Variants in ITGB8 observed in about 807,000 individuals in gnomAD.
ITGB8 encodes integrin subunit beta 8, also known as integrin beta-8.
In ITGB8, 30 loss-of-function variants were observed where a neutral mutation model predicts 89.5. That is an observed-to-expected ratio of 0.34 (90% CI 0.25 to 0.45). The LOEUF is 0.45. ITGB8 is among the 20% of genes least tolerant of loss of function. ITGB8 has a pLI of 1.00. For synonymous variants in ITGB8, 335 were observed against 320.4 expected, an observed-to-expected ratio of 1.05 and a Z score of -0.49; for missense variants, 836 against 933.3, an observed-to-expected ratio of 0.90 and a Z score of 1.36.
intron 3 of ITGB8, among the ~76,000 whole-genome samples, 155 bp downstream of exon 3, chr7:20,367,341 A>AG (rs1785742636): frequency 6.6e-6 from 1 of 152,042 alleles, no homozygotes. Flanking sequence ...TAGTCTTTAT[A>AG]GTGCCTGCAG....
intron 7 of ITGB8, 114 bp from the exon 8 acceptor site, chr7:20,394,782 A>T (rs1215385880): frequency 2.8e-6 from 2 of 720,336 alleles, no homozygotes; most frequent in African/African-American, 1.8e-5. Context: ...ATAGGTTTTC[A>T]TTCATTTAAT....
At chr7:20,400,452 A>C (rs1443569886) in intron 9 of ITGB8, among the ~76,000 whole-genome samples, 1 of 152,220 alleles carries the variant, frequency 6.6e-6, no homozygotes, top group African/African-American at 2.4e-5. Flanking sequence ...ATTATGGAAC[A>C]AATTCTAATG....
At chr7:20,343,680 G>T (rs1784834302) in intron 1 of ITGB8, among the ~76,000 whole-genome samples, 1 of 152,186 alleles carries the variant, frequency 6.6e-6, no homozygotes, top group Non-Finnish European at 1.5e-5. Flanking sequence ...ATAATGTCCT[G>T]TCTCTTTTGA....
chr7:20,383,119 G>C (rs185768223), intron 6 of ITGB8, among the ~76,000 whole-genome samples: 4 of 152,268 alleles, frequency 2.6e-5, no homozygotes, highest in Admixed American at 6.5e-5. Flanking sequence ...GCTGAAATTT[G>C]TGTGGTTCCC....
chr7:20,391,301 G>A, intron 6 of ITGB8, 102 bp from the exon 7 acceptor site: 1 of 508,690 alleles, frequency 2.0e-6, no homozygotes, highest in Non-Finnish European at 3.4e-6. Flanking sequence ...TCCTTCCCAG[G>A]TACATTTTTA....
At chr7:20,408,258 A>C (rs1787625408) in intron 12 of ITGB8, among the ~76,000 whole-genome samples, 2 of 151,618 alleles carry the variant, frequency 1.3e-5, no homozygotes, top group Admixed American at 1.3e-4. Flanking sequence ...TGAGCAGAAT[A>C]TTTTGGATTC....
intron 1 of ITGB8, among the ~76,000 whole-genome samples, chr7:20,345,466 G>C (rs1459772383): frequency 6.6e-6 from 1 of 151,988 alleles, no homozygotes; most frequent in African/African-American, 2.4e-5. Context: ...AAGTGGAGCA[G>C]GGTTGGGGGA....
At chr7:20,397,462 G>C (rs1350414212) in intron 8 of ITGB8, among the ~76,000 whole-genome samples, 1 of 152,168 alleles carries the variant, frequency 6.6e-6, no homozygotes, top group Non-Finnish European at 1.5e-5. Flanking sequence ...CTGATCTCAA[G>C]TGAGCCACCT....
rs1784386207 is a variant in ITGB8, at chr7:20,331,392, T to G, written c.-415T>G. On this transcript the variant is annotated 5_prime_UTR_variant, in exon 1 of 14. Coordinates refer to ENST00000222573, the MANE Select transcript of ITGB8 (RefSeq NM_002214.3). ...GTGGTTTCCCCCCCAGCTTCGGGCT[T>G]TGTTTGGGTTTGATTGTGTTTGGCT... The G allele has an allele frequency of 1.5e-5, 6 of 389,440 alleles. No homozygotes were observed. Among genetic ancestry groups the G allele is most frequent in the Admixed American group, 4.5e-5 (1 of 22,420 alleles). The allele number at this position is 389,440 out of a possible 1,614,324, so 24.1% of individuals were successfully genotyped here.
In ITGB8 at chr7:20,399,007, G is replaced by T; in HGVS notation, c.1281+13G>T. 6.2e-7 allele frequency: 1 copy of T among 1,602,246 alleles called. No homozygotes were observed. Among genetic ancestry groups the T allele is most frequent in the South Asian group, 1.1e-5 (1 of 88,212 alleles). On this transcript the variant is annotated intron_variant, in intron 9 of 13. Coordinates refer to ENST00000222573, the MANE Select transcript of ITGB8 (RefSeq NM_002214.3). ...GAGCAATGATGAAGTATGTGGGTGT[G>T]CATTTTTCCCTTTTAAAATAAACTA...
chr7:20,358,203 T>G (rs1218540079), intron 1 of ITGB8, among the ~76,000 whole-genome samples: 1 of 152,090 alleles, frequency 6.6e-6, no homozygotes, highest in Non-Finnish European at 1.5e-5. Flanking sequence ...GATCTCATGA[T>G]CCGCCCACCT....
intron 6 of ITGB8, among the ~76,000 whole-genome samples, chr7:20,386,766 T>C (rs1005031667): frequency 2.6e-5 from 4 of 152,128 alleles, no homozygotes; most frequent in African/African-American, 4.8e-5. Flanking sequence ...GGTAAAATTA[T>C]GGTTTGCAAA....
At chr7:20,341,668 T>C (rs924847231) in intron 1 of ITGB8, among the ~76,000 whole-genome samples, 1 of 152,162 alleles carries the variant, frequency 6.6e-6, no homozygotes, top group Non-Finnish European at 1.5e-5. Context: ...GAAGACAGCA[T>C]AGCCAGCTGG....
intron 3 of ITGB8, among the ~76,000 whole-genome samples, chr7:20,372,618 A>T (rs1260235344): frequency 1.3e-5 from 2 of 152,200 alleles, no homozygotes; most frequent in Non-Finnish European, 2.9e-5. Flanking sequence ...CATCAACAGG[A>T]GATGGTAAGT....
At chr7:20,362,743 T>C (rs1023007564) in intron 1 of ITGB8, among the ~76,000 whole-genome samples, 1 of 152,206 alleles carries the variant, frequency 6.6e-6, no homozygotes, top group Non-Finnish European at 1.5e-5. Context: ...TGTTAAAGAA[T>C]AGACTGTAGG....
At chr7:20,381,611 C>T (rs1786398247) in intron 5 of ITGB8, 116 bp from the exon 6 acceptor site, 2 of 720,864 alleles carry the variant, frequency 2.8e-6, no homozygotes. Flanking sequence ...TACCCACGCA[C>T]ATCGTTCTAG....
At chr7:20,332,925 CTTT>C (rs34506325) in intron 1 of ITGB8, among the ~76,000 whole-genome samples, 1 of 142,986 alleles carries the variant, frequency 7.0e-6, no homozygotes, top group African/African-American at 2.6e-5. Context: ...GTCATACTTT[CTTT>C]TTTTTTTTTT....
At chr7:20,356,942 A>G (rs1487532582) in intron 1 of ITGB8, among the ~76,000 whole-genome samples, 3 of 152,034 alleles carry the variant, frequency 2.0e-5, no homozygotes, top group Non-Finnish European at 4.4e-5. Context: ...AATATTTTCA[A>G]AATAATATGA....
Position 20,401,770 on chromosome 7 carries a change from GA to G in ITGB8, c.1337del (p.Asn446ThrfsTer4). The stretch of plus-strand genomic sequence containing the variant: ...ATGAAAAAATGTGATGTCACAGGAG[GA>G]AAAAACTATGCAATAATCAAACCTA... Reference protein sequence around the residue: ...VTMKKCDVTGGKNYAIIKPIG... With the variant: ...VTMKKCDVTGXKNYAIIKPIG... On this transcript the variant is annotated frameshift_variant, in exon 10 of 14. Transcript: ENST00000222573. LOFTEE classifies it high-confidence loss of function. 1.3e-6 allele frequency: 2 copies of G among 1,594,652 alleles called. No homozygotes were observed. The highest frequency in any genetic ancestry group is 1.7e-6 in the Non-Finnish European group (2 of 1,174,454).
Sources: gnomAD v4.1 joint callset for allele counts (sites outside exome capture counted in the v4.1 genomes callset) on GRCh38, gnomAD v4.1.1 for gene constraint, MANE v1.5 for transcripts, NCBI Gene and HGNC (gene_info 2026-07-23, HGNC 2026-07-21) for gene names.